ACOT2: variants seen among roughly 807,000 people sequenced by gnomAD.
The protein encoded by ACOT2 is acyl-CoA thioesterase 2.
In ACOT2, 15 loss-of-function variants were observed where a neutral mutation model predicts 20.1. The ratio of observed to expected loss-of-function variants is 0.75; its 90% CI spans 0.50 to 1.15. ACOT2 has a LOEUF of 1.15. Ranked by LOEUF, ACOT2 falls within the 50% of genes most tolerant of loss-of-function variation. ACOT2 has a pLI of 0.00. For missense variants in ACOT2, 479 were observed against 615.3 expected (o/e 0.78, Z 2.34); for synonymous variants, 252 against 268.4 (o/e 0.94, Z 0.60).
At chr14:73,572,639 ATT>A (rs10565980) in intron 1 of ACOT2, among the ~76,000 whole-genome samples, 2,010 of 107,078 alleles carry the variant, frequency 0.019, 75 homozygotes, top group African/African-American at 0.056. Flanking sequence ...AGGTGTTTGC[ATT>A]TTTTTTTTTT....
chr14:73,570,027 C>T, intron 1 of ACOT2, 144 bp downstream of exon 1: 4 of 1,318,408 alleles, frequency 3.0e-6, no homozygotes, highest in Non-Finnish European at 4.0e-6. Context: ...TTCCTGGTCT[C>T]CAGCTATCTT....
Position 73,570,989 on chromosome 14 carries a change from TTA to T in ACOT2, c.643+1107_643+1108del, listed in dbSNP as rs778337983. Among the ~76,000 whole-genome samples, 278 of 146,144 alleles carry T rather than the reference TTA, an allele frequency of 1.9e-3. 1 individual carries two copies. Among genetic ancestry groups the T allele is most frequent in the Non-Finnish European group, 3.4e-3 (219 of 64,236 alleles). The stretch of plus-strand genomic sequence containing the variant: ...ACTAGGAAGCCACTTTTTTTTTTTT[TTA>T]AATAAGAATTCCGACTGGTTTTCTC... On this transcript the variant is annotated intron_variant, in intron 1 of 2. Coordinates refer to ENST00000238651, the MANE Select transcript of ACOT2 (RefSeq NM_006821.6).
upstream of ACOT2, among the ~76,000 whole-genome samples, chr14:73,568,531 C>T (rs1249017525): frequency 2.0e-5 from 3 of 151,782 alleles, no homozygotes; most frequent in Admixed American, 6.6e-5. Flanking sequence ...TGCCGCTGTA[C>T]TCCAGTCTGG....
Position 73,570,894 on chromosome 14 carries a change from A to T in ACOT2, c.643+1011A>T, listed in dbSNP as rs374361638. ...CACTCCAGCCTGGGGGACAAGAGTG[A>T]CTCTATCTTAAAAAAAAAAAAAAAA... On this transcript the variant is annotated intron_variant, in intron 1 of 2. Coordinates refer to ENST00000238651, the MANE Select transcript of ACOT2 (RefSeq NM_006821.6). Among the ~76,000 whole-genome samples, 956 of 109,954 alleles carry T rather than the reference A, an allele frequency of 8.7e-3. 16 individuals are homozygous for T. The highest frequency in any genetic ancestry group is 0.033 in the African/African-American group (917 of 27,656). 72.1% of individuals were successfully genotyped at this position (109,954 alleles called of 152,430 possible).
chr14:73,570,003 A>G, intron 1 of ACOT2, 120 bp downstream of exon 1: 1 of 1,401,438 alleles, frequency 7.1e-7, no homozygotes, highest in Non-Finnish European at 9.3e-7. Flanking sequence ...TATATTGCCC[A>G]GGCAGGTTTC....
chr14:73,571,121 C>T lies in ACOT2; in HGVS notation c.643+1238C>T, dbSNP rs370474092. On this transcript the variant is annotated intron_variant, in intron 1 of 2. Coordinates refer to ENST00000238651, the MANE Select transcript of ACOT2 (RefSeq NM_006821.6). Reference sequence around the variant, plus strand: ...CCATTGCTCCAGCTGCAGCTGCTGCCCCCTGCAGGGCCTGTTCGTTCCTGC... The same window carrying T: ...CCATTGCTCCAGCTGCAGCTGCTGCTCCCTGCAGGGCCTGTTCGTTCCTGC... The T allele has an allele frequency of 8.6e-5, 13 of 152,022 alleles. 1 individual carries two copies. The highest frequency in any genetic ancestry group is 7.9e-4 in the Admixed American group (12 of 15,238). 9.4% of individuals were successfully genotyped at this position (152,022 alleles called of 1,614,324 possible).
intron 1 of ACOT2, among the ~76,000 whole-genome samples, chr14:73,573,099 G>A (rs1351337855): frequency 6.6e-6 from 1 of 151,804 alleles, no homozygotes; most frequent in South Asian, 2.1e-4. Context: ...AGGAATTTGT[G>A]CTCTTCTATG....
chr14:73,570,994 T>A lies in ACOT2; in HGVS notation c.643+1111T>A, dbSNP rs1038323583. On this transcript the variant is annotated intron_variant, in intron 1 of 2. Transcript: ENST00000238651. ...GAAGCCACTTTTTTTTTTTTTTAAA[T>A]AAGAATTCCGACTGGTTTTCTCACT... Among the ~76,000 whole-genome samples the A allele has an allele frequency of 6.2e-4, 88 of 140,946 alleles. 2 individuals carry two copies. Among genetic ancestry groups the A allele is most frequent in the South Asian group, 4.5e-3 (20 of 4,470 alleles). The allele number at this position is 140,946 out of a possible 152,430, so 92.5% of individuals were successfully genotyped here.
At chr14:73,571,703 CGGGG>C (rs1318083656) in intron 1 of ACOT2, 1 of 151,752 alleles carries the variant, frequency 6.6e-6, no homozygotes, top group Non-Finnish European at 1.5e-5. Context: ...TCATCGCTGC[CGGGG>C]CACTGGGGTT....
At position 73,569,239 on chromosome 14, in the gene ACOT2, G is replaced by C; in HGVS notation, c.-2G>C. The C allele has an allele frequency of 6.2e-7, 1 of 1,613,116 alleles. No individual in the cohort carries two copies. Among genetic ancestry groups the C allele is most frequent in the Non-Finnish European group, 8.5e-7 (1 of 1,179,140 alleles). On this transcript the variant is annotated 5_prime_UTR_variant, in exon 1 of 3. Transcript: ENST00000238651. ...CTTAGCCTGCGACGGCAGCCCGAGAGGATGTCTAACAAGCTTCTTTCTCCC... is the reference window on the plus strand; with the variant it reads ...CTTAGCCTGCGACGGCAGCCCGAGACGATGTCTAACAAGCTTCTTTCTCCC...
rs552773049 is a variant in ACOT2 at position 73,573,408 on chromosome 14, A to T, written c.664A>T (p.Ile222Phe). The T allele has an allele frequency of 1.5e-5, 25 of 1,613,510 alleles. No individual in the cohort carries two copies. In the South Asian group the frequency reaches 2.0e-4, roughly 13 times the overall value. ...CCAAGAACCTGGGCCCTTTCCTGGGATTGTGGACATGTTCGGAACTGGAGG... is the reference window on the plus strand; with the variant it reads ...CCAAGAACCTGGGCCCTTTCCTGGGTTTGTGGACATGTTCGGAACTGGAGG... Reference protein sequence around the residue: ...LPPEPGPFPGIVDMFGTGGGL... With the variant: ...LPPEPGPFPGFVDMFGTGGGL... Residue 222 changes from isoleucine (I) to phenylalanine (F), a missense_variant, in exon 2 of 3, where the codon ATT becomes TTT. By Grantham distance (21) the Ile-to-Phe change is conservative (BLOSUM62 0). Coordinates refer to ENST00000238651, the MANE Select transcript of ACOT2 (RefSeq NM_006821.6).
At chr14:73,570,168 C>T (rs542922527) in intron 1 of ACOT2, among the ~76,000 whole-genome samples, 2 of 151,724 alleles carry the variant, frequency 1.3e-5, no homozygotes, top group East Asian at 1.9e-4. Flanking sequence ...AGCTTCCAAC[C>T]TTCCGGAGGT....
At chr14:73,573,265 C>G (rs539967499) in intron 1 of ACOT2, 123 bp from the exon 2 acceptor site, 1 of 1,399,954 alleles carries the variant, frequency 7.1e-7, no homozygotes, top group Non-Finnish European at 1.0e-6. Context: ...TTTCATTTCT[C>G]GTGGGTAGAT....
In ACOT2 at chr14:73,569,781, C is replaced by T. The variant is rs769959680; in HGVS notation, c.541C>T (p.Leu181=). ...LDGHDPDPGR[L]LCQTRHERYF... ...TGGCCACGACCCCGACCCCGGGCGG[C>T]TGCTGTGCCAGACGCGGCACGAGCG... Residue 181 remains leucine, a synonymous_variant, in exon 1 of 3, where the codon CTG becomes TTG. Transcript: ENST00000238651. 147 of 1,605,504 alleles carry T rather than the reference C, an allele frequency of 9.2e-5. 4 individuals are homozygous for T. The highest frequency in any genetic ancestry group is 1.2e-4 in the Non-Finnish European group (137 of 1,176,622).
Position 73,569,925 on chromosome 14 carries a change from C to T in ACOT2, c.643+42C>T. ...AATTGTTCCGTGTTCGTTCGCCTTT[C>T]ACTTTGTGTGTCTCCCCCGCCCCAC... On this transcript the variant is annotated intron_variant, in intron 1 of 2. Transcript: ENST00000238651. 1.3e-6 allele frequency: 2 copies of T among 1,575,672 alleles called. 1 individual carries two copies. The highest frequency in any genetic ancestry group is 1.7e-6 in the Non-Finnish European group (2 of 1,163,234).
At position 73,572,738 on chromosome 14, in the gene ACOT2, C is replaced by T. The variant is rs557889190; in HGVS notation, c.644-650C>T. On this transcript the variant is annotated intron_variant, in intron 1 of 2. Transcript: ENST00000238651. ...TTGGCTCACTGCAACCTCCACCTCC[C>T]GGGTTCAAGCGATTCTCCTCCCTCA... 8.6e-4 allele frequency among the ~76,000 whole-genome samples: 127 copies of T among 148,390 alleles called. 3 individuals are homozygous for T. In the South Asian group the frequency reaches 0.026, roughly 30 times the overall value.
chr14:73,571,793 C>G (rs184509030), intron 1 of ACOT2: 2 of 152,034 alleles, frequency 1.3e-5, no homozygotes, highest in African/African-American at 4.8e-5. Flanking sequence ...TCTTTGAATT[C>G]GCACAGTATG....
Position 73,569,810 on chromosome 14 carries a change from C to T in ACOT2, c.570C>T (p.Tyr190=). ...RLLCQTRHER[Y]FLPPGVRREP... is the part of the protein sequence containing the mutation. ...TGTGCCAGACGCGGCACGAGCGCTA[C>T]TTCCTCCCGCCCGGGGTGCGGCGCG... The change falls in exon 1 of 3, where the codon TAC becomes TAT. Residue 190 remains tyrosine, a synonymous_variant. Coordinates refer to ENST00000238651, the MANE Select transcript of ACOT2 (RefSeq NM_006821.6). The T allele has an allele frequency of 6.2e-7, 1 of 1,601,354 alleles. No individual in the cohort carries two copies. The highest frequency in any genetic ancestry group is 1.3e-5 in the African/African-American group (1 of 74,778).
chr14:73,569,902 T>C lies in ACOT2; in HGVS notation c.643+19T>C. On this transcript the variant is annotated intron_variant, in intron 1 of 2. Transcript: ENST00000238651. ...CCGCCAGGTGACTCACCTCCGCTAA[T>C]TGTTCCGTGTTCGTTCGCCTTTCAC... 1.3e-6 allele frequency: 2 copies of C among 1,597,190 alleles called. No homozygotes were observed. The highest frequency in any genetic ancestry group is 1.7e-6 in the Non-Finnish European group (2 of 1,173,066).
Sources: gnomAD v4.1 joint callset for allele counts (sites outside exome capture counted in the v4.1 genomes callset) on GRCh38, gnomAD v4.1.1 for gene constraint, MANE v1.5 for transcripts, NCBI Gene and HGNC (gene_info 2026-07-23, HGNC 2026-07-21) for gene names.